ATP8A1: variants seen among roughly 807,000 people sequenced by gnomAD.
The protein encoded by ATP8A1 is phospholipid-transporting ATPase IA.
ATP8A1 carries 90 observed loss-of-function variants against 177.7 expected under a neutral mutation model. The ratio of observed to expected loss-of-function variants is 0.51; its 90% confidence interval spans 0.43 to 0.60. The LOEUF (loss-of-function observed/expected upper bound fraction) is 0.60, where lower values mean the gene tolerates loss of function less well. Ranked by LOEUF, ATP8A1 falls within the 20% of genes least tolerant of loss-of-function variation. The probability of loss-of-function intolerance (pLI) is 0.00; values close to 1 mark genes in which losing one functional copy is unlikely to be tolerated. For synonymous variants in ATP8A1, 493 were observed against 485.9 expected, an observed-to-expected ratio of 1.01 and a Z score of -0.19; for missense variants, 1,072 against 1,392.8, an observed-to-expected ratio of 0.77 and a Z score of 3.67.
intron 35 of ATP8A1, among the ~76,000 whole-genome samples, chr4:42,421,961 GGAA>G (rs1303029821): frequency 1.3e-5 from 2 of 151,834 alleles, no homozygotes; most frequent in African/African-American, 4.8e-5. Context: ...GGTGGTGTAA[GGAA>G]GAGAACTTGG....
chr4:42,562,138 C>A (rs1003696804), intron 15 of ATP8A1: 1 of 152,186 alleles, frequency 6.6e-6, no homozygotes, highest in African/African-American at 2.4e-5. Context: ...CTTGGAGTCT[C>A]TTCTATTTTG....
At chr4:42,435,461 A>AACAAC (rs67063110) in intron 33 of ATP8A1, among the ~76,000 whole-genome samples, 7 of 122,346 alleles carry the variant, frequency 5.7e-5, no homozygotes, top group East Asian at 5.1e-4. Flanking sequence ...AAAAAAAAAA[A>AACAAC]AACAAACTAT....
rs138295011 is a variant in ATP8A1, at chr4:42,447,913, G to T, written c.2897-1269C>A. Among the ~76,000 whole-genome samples, 147 of 152,198 alleles carry T rather than the reference G, an allele frequency of 9.7e-4. 4 individuals carry two copies. The East Asian group carries it at 0.023, about 24-fold the overall frequency. On this transcript the variant is annotated intron_variant, in intron 30 of 36. Coordinates refer to ENST00000381668, the MANE Select transcript of ATP8A1 (RefSeq NM_006095.2). Reference sequence around the variant, plus strand: ...AATCACCAAGCAGTATCAGGGCAAGGCATGTTCAGCATTTGAATAATTTGG... The same window carrying T: ...AATCACCAAGCAGTATCAGGGCAAGTCATGTTCAGCATTTGAATAATTTGG...
At position 42,590,991 on chromosome 4, in the gene ATP8A1, G is replaced by A. The variant is rs1305721957; in HGVS notation, c.451-107C>T. The A allele has an allele frequency of 5.1e-6, 5 of 980,114 alleles. No individual in the cohort carries two copies. The South Asian group carries it at 7.5e-5, about 15-fold the overall frequency. 60.7% of individuals were successfully genotyped at this position (980,114 alleles called of 1,614,324 possible). Reference sequence around the variant, plus strand: ...AGACAGAAAGTTCGAAATTATTATAGAAAATAATACATGTTAATAAAAACA... The same window carrying A: ...AGACAGAAAGTTCGAAATTATTATAAAAAATAATACATGTTAATAAAAACA... On this transcript the variant is annotated intron_variant, in intron 6 of 36. Coordinates refer to ENST00000381668, the MANE Select transcript of ATP8A1 (RefSeq NM_006095.2).
Position 42,555,139 on chromosome 4 carries a change from A to ATCTATCTTATCT in ATP8A1, c.1413+828_1413+829insAGATAAGATAGA, listed in dbSNP as rs1553903246. 2.9e-3 allele frequency among the ~76,000 whole-genome samples: 170 copies of ATCTATCTTATCT among 59,540 alleles called. 4 individuals are homozygous for ATCTATCTTATCT. The highest frequency in any genetic ancestry group is 3.9e-3 in the East Asian group (9 of 2,336). The allele number at this position is 59,540 out of a possible 152,430, so 39.1% of individuals were successfully genotyped here. On this transcript the variant is annotated intron_variant, in intron 16 of 36. Transcript: ENST00000381668. ...TATCTATCTATCTATCTATCTATCT[A>ATCTATCTTATCT]ATCTATCTATCTATCTATCTATCTA...
At chr4:42,612,653 A>G (rs1736483755) in intron 5 of ATP8A1, among the ~76,000 whole-genome samples, 1 of 151,908 alleles carries the variant, frequency 6.6e-6, no homozygotes, top group Non-Finnish European at 1.5e-5. Context: ...TCTCTGGGGC[A>G]AGGCTTGTTT....
Position 42,522,199 on chromosome 4 carries a change from C to A in ATP8A1, c.1908G>T (p.Arg636Ser). 1 of 1,613,288 alleles carries A rather than the reference C, an allele frequency of 6.2e-7. No homozygotes were observed. ...CATAACTCTCTTCGAGTTTGAGTAG[C>A]CTGTTCTGCACAGATGTAGATGCTC... Reference protein sequence around the residue: ...YQRASTSVQNRLLKLEESYEL... With the variant: ...YQRASTSVQNSLLKLEESYEL... The change falls in exon 22 of 37, where the codon AGG becomes AGT. Residue 636 changes from arginine to serine, a missense_variant. By Grantham distance (110) the Arg-to-Ser change is moderately radical. Transcript: ENST00000381668.
intron 15 of ATP8A1, among the ~76,000 whole-genome samples, chr4:42,565,779 TCCA>T (rs1203783882): frequency 1.3e-5 from 2 of 152,194 alleles, no homozygotes; most frequent in Non-Finnish European, 2.9e-5. Context: ...CTTAAAATTT[TCCA>T]CAACAGAAGA....
At chr4:42,590,370 A>T (rs1283538602) in intron 7 of ATP8A1, among the ~76,000 whole-genome samples, 1 of 152,206 alleles carries the variant, frequency 6.6e-6, no homozygotes, top group Non-Finnish European at 1.5e-5. Context: ...TACAGAACTT[A>T]CAGAAAAATT....
At chr4:42,623,270 T>C (rs114805329) in intron 4 of ATP8A1, among the ~76,000 whole-genome samples, 1,698 of 152,244 alleles carry the variant, frequency 0.011, 28 homozygotes, top group African/African-American at 0.038. Context: ...GTTTTGACCA[T>C]TGTGGAAGAC....
intron 9 of ATP8A1, among the ~76,000 whole-genome samples, chr4:42,585,633 A>G (rs1476927208): frequency 6.6e-6 from 1 of 151,492 alleles, no homozygotes; most frequent in Non-Finnish European, 1.5e-5. Context: ...TAATTCATAA[A>G]TTACCCAGTC....
intron 33 of ATP8A1, among the ~76,000 whole-genome samples, chr4:42,435,779 T>C (rs1367081814): frequency 6.6e-6 from 1 of 152,232 alleles, no homozygotes; most frequent in East Asian, 1.9e-4. Context: ...CAGGTATTCA[T>C]TCCTGCATCA....
chr4:42,477,407 T>C (rs1021043186), intron 25 of ATP8A1, among the ~76,000 whole-genome samples: 13 of 151,920 alleles, frequency 8.6e-5, no homozygotes. Context: ...ACTAGTAGAG[T>C]TGTTTTGGAA....
chr4:42,644,594 G>A (rs1056695070), intron 1 of ATP8A1, among the ~76,000 whole-genome samples: 3 of 152,048 alleles, frequency 2.0e-5, no homozygotes, highest in East Asian at 1.9e-4. Flanking sequence ...TGGACACAAT[G>A]CACTTGATCT....
chr4:42,551,837 T>C (rs1358993861), intron 17 of ATP8A1, among the ~76,000 whole-genome samples: 1 of 152,188 alleles, frequency 6.6e-6, no homozygotes, highest in Non-Finnish European at 1.5e-5. Flanking sequence ...ATAACAATTC[T>C]TATGCTTTTA....
At chr4:42,468,440 CACACACACACACAG>C (rs1720034171) in intron 25 of ATP8A1, among the ~76,000 whole-genome samples, 1 of 151,756 alleles carries the variant, frequency 6.6e-6, no homozygotes, top group African/African-American at 2.4e-5. Flanking sequence ...TACACACACA[CACACACACACACAG>C]ACACACACAT....
chr4:42,586,864 A>G (rs1372597651), intron 8 of ATP8A1, among the ~76,000 whole-genome samples: 1 of 152,230 alleles, frequency 6.6e-6, no homozygotes, highest in Admixed American at 6.5e-5. Flanking sequence ...TTCAAAGAAC[A>G]TAGCTTTGTT....
chr4:42,502,139 T>C (rs527322461), intron 24 of ATP8A1, among the ~76,000 whole-genome samples: 1 of 152,274 alleles, frequency 6.6e-6, no homozygotes, highest in South Asian at 2.1e-4. Flanking sequence ...GCTAGGCCAT[T>C]TGCAGGGCAC....
chr4:42,524,842 A>C lies in ATP8A1; in HGVS notation c.1728T>G (p.Thr576=). The C allele has an allele frequency of 6.2e-7, 1 of 1,604,788 alleles. No individual in the cohort carries two copies. The highest frequency in any genetic ancestry group is 8.5e-7 in the Non-Finnish European group (1 of 1,175,154). The change falls in exon 21 of 37, where the codon ACT becomes ACG. Residue 576 remains threonine (T), a synonymous_variant. Coordinates refer to ENST00000381668, the MANE Select transcript of ATP8A1 (RefSeq NM_006095.2). The stretch of plus-strand genomic sequence containing the variant: ...TCTCTGCCAGTCGATCATAAATTAC[A>C]GTGTCCTGGAAAACAAACAGAGGGT... ...KLRLYCKGAD[T]VIYDRLAETS...
Sources: gnomAD v4.1 joint callset for allele counts (sites outside exome capture counted in the v4.1 genomes callset) on GRCh38, gnomAD v4.1.1 for gene constraint, MANE v1.5 for transcripts, NCBI Gene and HGNC (gene_info 2026-07-23, HGNC 2026-07-21) for gene names.